Variants in CHD6 observed in about 807,000 individuals in gnomAD.
CHD6 encodes chromodomain helicase DNA binding protein 6, also known as ATP-dependent chromatin remodeler CHD6.
CHD6 carries 50 observed loss-of-function variants against 276.9 expected under a neutral mutation model. The observed-to-expected ratio is 0.18, with a 90% CI of 0.14 to 0.23. The LOEUF is 0.23. CHD6 is among the 10% of genes least tolerant of loss of function. CHD6 has a pLI of 1.00. For synonymous variants in CHD6, 1,173 were observed against 1,229.3 expected (o/e 0.95, Z 0.96); for missense variants, 2,564 against 3,365.8 (o/e 0.76, Z 5.89).
chr20:41,598,196 C>G (rs1417152122), intron 1 of CHD6, among the ~76,000 whole-genome samples: 1 of 152,148 alleles, frequency 6.6e-6, no homozygotes, highest in Non-Finnish European at 1.5e-5. Context: ...TAAGTCGTTT[C>G]TAGGGTATGG....
At position 41,421,783 on chromosome 20, in the gene CHD6, G is replaced by A. The variant is rs549295483; in HGVS notation, c.4852C>T (p.His1618Tyr). The A allele has an allele frequency of 1.9e-6, 3 of 1,614,224 alleles. No individual in the cohort carries two copies. The highest frequency in any genetic ancestry group is 2.2e-5 in the East Asian group (1 of 44,890). The change falls in exon 31 of 37, where the codon CAT (histidine) becomes TAT (tyrosine). Residue 1618 changes from histidine (H) to tyrosine (Y), a missense_variant. His to Tyr is a moderately conservative substitution (Grantham distance 83, BLOSUM62 2). Coordinates refer to ENST00000373233, the MANE Select transcript of CHD6 (RefSeq NM_032221.5). ...FLDAYRNYAQ[H>Y]KRSGTQAPGN... is the part of the protein sequence containing the mutation. ...GGTGCCTGGGTGCCAGATCTTTTAT[G>A]CTGGGCATAGTTTCTATAGGCATCC...
intron 1 of CHD6, among the ~76,000 whole-genome samples, chr20:41,559,147 GACACACAC>G (rs58169591): frequency 1.7e-4 from 25 of 148,176 alleles, no homozygotes; most frequent in East Asian, 6.0e-4. Context: ...GCCTGTTCCT[GACACACAC>G]ACACACACAC....
In CHD6 at chr20:41,592,465, C is replaced by G. The variant is rs528608564; in HGVS notation, c.-24+25875G>C. 3.9e-5 allele frequency among the ~76,000 whole-genome samples: 6 copies of G among 152,214 alleles called. No individual in the cohort carries two copies. In the South Asian group the frequency reaches 1.2e-3, roughly 32 times the overall value. On this transcript the variant is annotated intron_variant, in intron 1 of 36. Coordinates refer to ENST00000373233, the MANE Select transcript of CHD6 (RefSeq NM_032221.5). ...AGTTTTCCTCAAAAATAAGTAAAAT[C>G]TAGATATACTTTTGAACTATGATCC...
chr20:41,566,524 G>T (rs901008907), intron 1 of CHD6, among the ~76,000 whole-genome samples: 1 of 152,132 alleles, frequency 6.6e-6, no homozygotes, highest in Non-Finnish European at 1.5e-5. Context: ...TGCTCCTGTG[G>T]ATAAGGTCCC....
In CHD6 at chr20:41,491,750, G is replaced by A; in HGVS notation, c.1384C>T (p.Arg462Trp). 6.2e-7 allele frequency: 1 copy of A among 1,613,766 alleles called. No homozygotes were observed. Among genetic ancestry groups the A allele is most frequent in the Non-Finnish European group, 8.5e-7 (1 of 1,179,804 alleles). The change falls in exon 11 of 37, where the codon CGG (arginine) becomes TGG (tryptophan). Residue 462 changes from arginine (R) to tryptophan (W), a missense_variant. By Grantham distance (101) the Arg-to-Trp change is moderately radical. Transcript: ENST00000373233. ...TTCATCCCTTCCAGCTGGTACTCCC[G>A]GAGCTGGTTACTGTTCTTATACTCG... ...SREYKNSNQL[R>W]EYQLEGMNWL... is the part of the protein sequence containing the mutation.
intron 26 of CHD6, among the ~76,000 whole-genome samples, chr20:41,438,696 C>T (rs969194797): frequency 9.2e-5 from 14 of 152,112 alleles, no homozygotes; most frequent in Non-Finnish European, 2.1e-4. Flanking sequence ...CTTGCTTTAC[C>T]ACTTAACCGT....
intron 27 of CHD6, among the ~76,000 whole-genome samples, chr20:41,435,770 T>C (rs2047688117): frequency 6.6e-6 from 1 of 152,132 alleles, no homozygotes; most frequent in African/African-American, 2.4e-5. Flanking sequence ...CTAACATTTA[T>C]ATGGAAAGGC....
At position 41,423,477 on chromosome 20, in the gene CHD6, T is replaced by C. The variant is rs914338946; in HGVS notation, c.4555+15A>G. ...TTCCTTGTATCATCTGACAATATAC[T>C]GATAGTTTTCTCACCGCCATCTTTC... On this transcript the variant is annotated intron_variant, in intron 30 of 36. Coordinates refer to ENST00000373233, the MANE Select transcript of CHD6 (RefSeq NM_032221.5). 1 of 1,608,838 alleles carries C rather than the reference T, an allele frequency of 6.2e-7. No individual in the cohort carries two copies. The highest frequency in any genetic ancestry group is 8.5e-7 in the Non-Finnish European group (1 of 1,175,146).
At chr20:41,516,997 C>A (rs1437709261) in intron 3 of CHD6, among the ~76,000 whole-genome samples, 1 of 152,126 alleles carries the variant, frequency 6.6e-6, no homozygotes, top group South Asian at 2.1e-4. Flanking sequence ...ATCAAGCACA[C>A]GAACCAGCCA....
intron 31 of CHD6, among the ~76,000 whole-genome samples, chr20:41,417,983 T>C (rs188031728): frequency 8.3e-4 from 127 of 152,316 alleles, no homozygotes; most frequent in South Asian, 2.3e-3. Context: ...TTACAGGAAA[T>C]GAACAGACAA....
At chr20:41,548,831 A>C (rs1311116564) in intron 2 of CHD6, among the ~76,000 whole-genome samples, 2 of 152,232 alleles carry the variant, frequency 1.3e-5, no homozygotes, top group Non-Finnish European at 2.9e-5. Context: ...AAGTAGGCAA[A>C]GGATATGAAC....
intron 1 of CHD6, among the ~76,000 whole-genome samples, chr20:41,578,562 C>T (rs369180153): frequency 1.3e-5 from 2 of 151,950 alleles, no homozygotes; most frequent in South Asian, 2.1e-4. Flanking sequence ...CGCCTATAAT[C>T]CCAGCTACTC....
intron 1 of CHD6, among the ~76,000 whole-genome samples, chr20:41,615,951 C>T (rs1601200562): frequency 2.6e-5 from 4 of 152,352 alleles, no homozygotes; most frequent in Admixed American, 2.6e-4. Flanking sequence ...AGCCCAAGGG[C>T]CGCCTGTTGT....
At chr20:41,491,529 T>C (rs1347031123) in intron 11 of CHD6, among the ~76,000 whole-genome samples, 169 bp downstream of exon 11, 1 of 151,366 alleles carries the variant, frequency 6.6e-6, no homozygotes, top group East Asian at 1.9e-4. Context: ...GAGAAACAGC[T>C]GACAAAAATA....
At chr20:41,545,963 C>T (rs1397934840) in intron 2 of CHD6, among the ~76,000 whole-genome samples, 1 of 152,124 alleles carries the variant, frequency 6.6e-6, no homozygotes, top group East Asian at 1.9e-4. Flanking sequence ...CTCTCCAATT[C>T]CAGAGCATGA....
intron 1 of CHD6, among the ~76,000 whole-genome samples, chr20:41,563,249 A>G (rs1471991298): frequency 6.6e-6 from 1 of 152,212 alleles, no homozygotes; most frequent in African/African-American, 2.4e-5. Context: ...GTATTAGGAA[A>G]GCCCATTCTG....
At chr20:41,446,841 G>C (rs564242282) in intron 24 of CHD6, among the ~76,000 whole-genome samples, 1 of 152,242 alleles carries the variant, frequency 6.6e-6, no homozygotes, top group South Asian at 2.1e-4. Flanking sequence ...GAAGAGGGTG[G>C]GCAGCAGACT....
intron 1 of CHD6, among the ~76,000 whole-genome samples, chr20:41,554,413 G>T (rs1000807423): frequency 2.2e-4 from 33 of 149,254 alleles, no homozygotes; most frequent in Non-Finnish European, 4.0e-4. Flanking sequence ...TTATTTTATT[G>T]ATCATTCTTG....
intron 5 of CHD6, among the ~76,000 whole-genome samples, chr20:41,507,825 C>A (rs2044013641): frequency 6.6e-6 from 1 of 152,106 alleles, no homozygotes; most frequent in Non-Finnish European, 1.5e-5. Context: ...ACCCTATTTA[C>A]CTTCAACCTC....
Sources: gnomAD v4.1 joint callset for allele counts (sites outside exome capture counted in the v4.1 genomes callset) on GRCh38, gnomAD v4.1.1 for gene constraint, MANE v1.5 for transcripts, NCBI Gene and HGNC (gene_info 2026-07-23, HGNC 2026-07-21) for gene names.